The following MADD variants were observed in gnomAD, a reference collection of about 807,000 sequenced individuals.
The protein encoded by MADD is MAP kinase activating death domain.
A neutral mutation model predicts 176.7 loss-of-function variants in MADD; 109 were observed. That is an observed-to-expected ratio of 0.62 (90% CI 0.53 to 0.72). MADD has a LOEUF of 0.72. Ranked by LOEUF, MADD falls within the 30% of genes least tolerant of loss-of-function variation. MADD has a pLI of 0.00. For synonymous variants in MADD, 771 were observed against 771.3 expected, an observed-to-expected ratio of 1.00 and a Z score of 0.01; for missense variants, 1,914 against 2,045.5, an observed-to-expected ratio of 0.94 and a Z score of 1.24.
At chr11:47,321,252 G>A (rs1331378359) in intron 27 of MADD, among the ~76,000 whole-genome samples, 1 of 152,164 alleles carries the variant, frequency 6.6e-6, no homozygotes, top group East Asian at 1.9e-4. Flanking sequence ...AGGTGGAGTG[G>A]TATTGTCCAT....
intron 4 of MADD, among the ~76,000 whole-genome samples, chr11:47,276,458 A>G (rs2049948193): frequency 6.6e-6 from 1 of 152,182 alleles, no homozygotes; most frequent in South Asian, 2.1e-4. Context: ...ATTCTTTGGA[A>G]ATATCAGTAG....
Position 47,311,717 on chromosome 11 carries a change from G to C in MADD, c.3979-15G>C, listed in dbSNP as rs758281679. 11 of 1,516,660 alleles carry C rather than the reference G, an allele frequency of 7.3e-6. No homozygotes were observed. Among genetic ancestry groups the C allele is most frequent in the Non-Finnish European group, 1.0e-5 (11 of 1,091,234 alleles). The allele number at this position is 1,516,660 out of a possible 1,614,324, so 94.0% of individuals were successfully genotyped here. On this transcript the variant is annotated splice_polypyrimidine_tract_variant and intron_variant, in intron 25 of 32. Coordinates refer to ENST00000402192, the Ensembl canonical transcript of MADD. ...GAGCAGATCCCTTGTTAAGAGTCAT[G>C]TGTTGGCTTTTCAGGTAAATAAGAA... is the stretch of plus-strand genomic sequence containing the variant.
intron 22 of MADD, among the ~76,000 whole-genome samples, chr11:47,296,613 T>G (rs1445972091): frequency 1.3e-5 from 2 of 152,198 alleles, no homozygotes; most frequent in Non-Finnish European, 2.9e-5. Context: ...AGTTTGTGAT[T>G]CACTATATTG....
intron 22 of MADD, among the ~76,000 whole-genome samples, chr11:47,301,655 T>G (rs2077894626): frequency 1.3e-5 from 2 of 152,216 alleles, no homozygotes; most frequent in Non-Finnish European, 2.9e-5. Context: ...TGAAGAAATT[T>G]TTAAATTTCC....
intron 31 of MADD, chr11:47,327,463 G>A (rs550958924): frequency 1.5e-5 from 15 of 985,356 alleles, no homozygotes; most frequent in South Asian, 1.4e-4. Context: ...ACCTCGGCTC[G>A]TGCTGCCTCT....
chr11:47,322,838 T>C (rs531707191), intron 27 of MADD, among the ~76,000 whole-genome samples: 2 of 152,360 alleles, frequency 1.3e-5, no homozygotes, highest in Admixed American at 6.5e-5. Flanking sequence ...AAGTCTGTCA[T>C]GATCTCCTAC....
intron 16 of MADD, among the ~76,000 whole-genome samples, 155 bp from the exon 18 acceptor site, chr11:47,289,712 G>A (rs1263257714): frequency 1.3e-5 from 2 of 152,136 alleles, no homozygotes; most frequent in Non-Finnish European, 2.9e-5. Flanking sequence ...TGGACAAATC[G>A]CGTGCTCCAG....
In MADD at chr11:47,323,845, A is replaced by G. The variant is rs1232398823; in HGVS notation, c.4362+10A>G. 4 of 1,613,386 alleles carry G rather than the reference A, an allele frequency of 2.5e-6. No homozygotes were observed. The highest frequency in any genetic ancestry group is 1.1e-5 in the South Asian group (1 of 91,060). On this transcript the variant is annotated intron_variant, in intron 28 of 32. Coordinates refer to ENST00000402192, the Ensembl canonical transcript of MADD. ...GTTCTATACTAAAAAGGTACGCAGG[A>G]TCTGTGTTTGGGTTGGGGCTAGTAG... is the stretch of plus-strand genomic sequence containing the variant.
intron 5 of MADD, 97 bp downstream of exon 5, chr11:47,276,960 T>C: frequency 7.2e-7 from 1 of 1,388,062 alleles, no homozygotes; most frequent in Non-Finnish European, 9.9e-7. Flanking sequence ...TGGTCCTCAA[T>C]CCTTTGTCAT....
intron 18 of MADD, 86 bp from the exon 20 acceptor site, chr11:47,290,524 T>A: frequency 3.6e-6 from 5 of 1,396,102 alleles, no homozygotes; most frequent in Non-Finnish European, 4.0e-6. Context: ...TTCCGCACCC[T>A]CCTGTATCCT....
chr11:47,296,951 T>G (rs1443116344), intron 22 of MADD, among the ~76,000 whole-genome samples: 1 of 152,018 alleles, frequency 6.6e-6, no homozygotes, highest in Non-Finnish European at 1.5e-5. Flanking sequence ...ATTTTTTAGT[T>G]TTTTGTAGAG....
chr11:47,316,249 A>G (rs1160499381), intron 27 of MADD, among the ~76,000 whole-genome samples: 1 of 152,206 alleles, frequency 6.6e-6, no homozygotes, highest in Non-Finnish European at 1.5e-5. Flanking sequence ...AACAGAAAAT[A>G]GTACACATTG....
intron 26 of MADD, among the ~76,000 whole-genome samples, chr11:47,313,524 A>G (rs10838690): frequency 0.39 from 58,866 of 149,856 alleles, 12,337 homozygotes; most frequent in East Asian, 0.7. Flanking sequence ...GGGTTTCACC[A>G]TCTTGCCCAG....
chr11:47,326,729 C>T lies in MADD; in HGVS notation c.4543-9C>T, dbSNP rs376737816. 2 of 1,613,876 alleles carry T rather than the reference C, an allele frequency of 1.2e-6. No individual in the cohort carries two copies. The highest frequency in any genetic ancestry group is 1.7e-6 in the Non-Finnish European group (2 of 1,179,876). On this transcript the variant is annotated splice_polypyrimidine_tract_variant and intron_variant, in intron 30 of 32. Transcript: ENST00000402192. ...GGGCCTTACCCCGGCCTCCCTCCCT[C>T]TCTTGCAGGTTTTCATAGAGCTGAA...
In MADD at chr11:47,286,392, T is replaced by C. The variant is rs746883191; in HGVS notation, c.2552-41T>C. On this transcript the variant is annotated intron_variant, in intron 14 of 32. Coordinates refer to ENST00000402192, the Ensembl canonical transcript of MADD. ...TCATTAGTCTACTGCTTTGATTACT[T>C]ACTCTGCCAAGTCATCGCTCTTGCA... The C allele has an allele frequency of 2.0e-5, 27 of 1,337,254 alleles. 1 individual carries two copies. In the South Asian group the frequency reaches 3.2e-4, roughly 16 times the overall value. The allele number at this position is 1,337,254 out of a possible 1,614,324, so 82.8% of individuals were successfully genotyped here.
chr11:47,328,689 G>C, exon 32 of MADD: 3 of 1,614,260 alleles, frequency 1.9e-6, no homozygotes, highest in Middle Eastern at 1.6e-4. Flanking sequence ...TGAGCCACAA[G>C]TACAAGACAC....
At position 47,278,769 on chromosome 11, in the gene MADD, A is replaced by G. The variant is rs75874182; in HGVS notation, c.1210-230A>G. Among the ~76,000 whole-genome samples, 1,016 of 152,278 alleles carry G rather than the reference A, an allele frequency of 6.7e-3. 11 individuals are homozygous for G. Among genetic ancestry groups the G allele is most frequent in the African/African-American group, 0.024 (982 of 41,548 alleles). On this transcript the variant is annotated intron_variant, in intron 6 of 32. Transcript: ENST00000402192. The stretch of plus-strand genomic sequence containing the variant: ...GTAAATAAAATAAGTGAAAAGAAAA[A>G]CCATAATCCTTTTATCTAGAGATAA...
In MADD at chr11:47,290,591, C is replaced by G. The variant is rs781119229; in HGVS notation, c.3095-19C>G. ...TCCTACTCACTACTTCTCTTGACCT[C>G]TTGATATTTTTCCCTCAGAACCAGA... On this transcript the variant is annotated intron_variant, in intron 18 of 32. Transcript: ENST00000402192. 4.4e-6 allele frequency: 7 copies of G among 1,608,982 alleles called. No individual in the cohort carries two copies. The highest frequency in any genetic ancestry group is 4.5e-5 in the East Asian group (2 of 44,752).
At chr11:47,311,824 T>G (rs971670175) in exon 26 of MADD, 3 of 1,613,340 alleles carry the variant, frequency 1.9e-6, no homozygotes. Context: ...ATGAGGTGCT[T>G]GATCAGCTGG....
Sources: allele counts gnomAD v4.1 joint callset (sites outside exome capture counted in the v4.1 genomes callset), GRCh38; gene constraint gnomAD v4.1.1; transcripts MANE v1.5; gene names NCBI Gene and HGNC (gene_info 2026-07-23, HGNC 2026-07-21).